SH3GL3: variants seen among roughly 807,000 people sequenced by gnomAD.
SH3GL3 encodes SH3 domain containing GRB2 like 3, endophilin A3, also known as endophilin-A3.
Under a neutral mutation model 47.7 loss-of-function variants are expected in SH3GL3, and 33 were observed. That is an observed-to-expected ratio of 0.69 (90% CI 0.52 to 0.92). SH3GL3 has a LOEUF of 0.92. SH3GL3 is among the 40% of genes least tolerant of loss of function. SH3GL3 has a pLI of 0.00. For missense variants in SH3GL3, 363 were observed against 417.8 expected, an observed-to-expected ratio of 0.87 and a Z score of 1.14; for synonymous variants, 155 against 148.8, an observed-to-expected ratio of 1.04 and a Z score of -0.30.
chr15:83,510,013 A>G (rs1016791730), intron 1 of SH3GL3, among the ~76,000 whole-genome samples: 7 of 152,126 alleles, frequency 4.6e-5, no homozygotes, highest in Non-Finnish European at 7.4e-5. Flanking sequence ...AAGCGAATAT[A>G]TTAATGTATG....
intron 1 of SH3GL3, among the ~76,000 whole-genome samples, chr15:83,555,025 C>T (rs1187548771): frequency 6.6e-6 from 1 of 151,980 alleles, no homozygotes; most frequent in Non-Finnish European, 1.5e-5. Flanking sequence ...TCTCACTTAT[C>T]CTTCATATCT....
chr15:83,534,189 T>C (rs1448066937), intron 1 of SH3GL3, among the ~76,000 whole-genome samples: 1 of 152,242 alleles, frequency 6.6e-6, no homozygotes, highest in Non-Finnish European at 1.5e-5. Flanking sequence ...ATGTGCTCCC[T>C]CCTCCCTTCT....
chr15:83,618,580 T>C lies in SH3GL3; in HGVS notation c.*293T>C, dbSNP rs535271953. 5.6e-6 allele frequency: 2 copies of C among 356,006 alleles called. No individual in the cohort carries two copies. Among genetic ancestry groups the C allele is most frequent in the East Asian group, 1.1e-4 (2 of 18,690 alleles). 22.1% of individuals were successfully genotyped at this position (356,006 alleles called of 1,614,324 possible). A position where few individuals can be genotyped will look rare whatever the true frequency, so the allele number is the denominator to read the frequency against. ...CACCCATTGCAGTTATGTCAACGAA[T>C]GGCCTATATTCCTCAGCTGCAATGA... On this transcript the variant is annotated 3_prime_UTR_variant, in exon 9 of 9. Transcript: ENST00000427482.
chr15:83,576,879 C>CTAATACTAA (rs961436829), intron 6 of SH3GL3, 138 bp downstream of exon 6: 4 of 379,348 alleles, frequency 1.1e-5, no homozygotes, highest in Non-Finnish European at 1.9e-5. Flanking sequence ...ATAAAATACA[C>CTAATACTAA]TAATACTAAT....
chr15:83,484,633 C>T (rs2041512634), intron 1 of SH3GL3, among the ~76,000 whole-genome samples: 2 of 151,968 alleles, frequency 1.3e-5, no homozygotes, highest in Admixed American at 1.3e-4. Flanking sequence ...AGACATTTGG[C>T]AATCTAATCT....
intron 1 of SH3GL3, among the ~76,000 whole-genome samples, chr15:83,456,678 G>A (rs2039994759): frequency 7.0e-6 from 1 of 143,698 alleles, no homozygotes; most frequent in Non-Finnish European, 1.5e-5. Flanking sequence ...CGCGCACGGT[G>A]CGCACACACA....
At chr15:83,608,406 A>C (rs1382183850) in intron 8 of SH3GL3, among the ~76,000 whole-genome samples, 1 of 152,222 alleles carries the variant, frequency 6.6e-6, no homozygotes, top group African/African-American at 2.4e-5. Flanking sequence ...CCCATGGACA[A>C]AAACAATATG....
intron 1 of SH3GL3, among the ~76,000 whole-genome samples, chr15:83,494,421 C>G (rs987088681): frequency 6.6e-6 from 1 of 152,236 alleles, no homozygotes; most frequent in Non-Finnish European, 1.5e-5. Flanking sequence ...CTGCTTTCCA[C>G]TGTGCTGAAG....
At chr15:83,551,571 C>G (rs940698003) in intron 1 of SH3GL3, among the ~76,000 whole-genome samples, 2 of 152,220 alleles carry the variant, frequency 1.3e-5, no homozygotes, top group Non-Finnish European at 2.9e-5. Flanking sequence ...TGGTTCCTCT[C>G]CAGTCCATTA....
chr15:83,618,030 G>T, intron 8 of SH3GL3, 52 bp from the exon 9 acceptor site: 1 of 1,218,000 alleles, frequency 8.2e-7, no homozygotes, highest in South Asian at 1.2e-5. Flanking sequence ...AATTTCCCAT[G>T]GATAATCCAT....
chr15:83,629,075 A>G, the SH3GL3 span, among the ~76,000 whole-genome samples: 11 of 152,232 alleles, frequency 7.2e-5, no homozygotes, highest in South Asian at 2.1e-4. Context: ...ACTGAAAACT[A>G]CAAAACATTG....
At chr15:83,578,943 G>A (rs779405117) in intron 6 of SH3GL3, among the ~76,000 whole-genome samples, 19 of 152,108 alleles carry the variant, frequency 1.2e-4, no homozygotes, top group Admixed American at 2.6e-4. Context: ...CAGATGCGCC[G>A]TCTGACCCAT....
At chr15:83,489,961 T>C (rs2041805451) in intron 1 of SH3GL3, among the ~76,000 whole-genome samples, 1 of 152,178 alleles carries the variant, frequency 6.6e-6, no homozygotes, top group Non-Finnish European at 1.5e-5. Context: ...AGATTATAAA[T>C]TGATGTTTGA....
chr15:83,487,468 A>T (rs575234212), intron 1 of SH3GL3, among the ~76,000 whole-genome samples: 1 of 151,736 alleles, frequency 6.6e-6, no homozygotes, highest in South Asian at 2.1e-4. Flanking sequence ...ATTTTGGGGG[A>T]ATGTGCCCTT....
intron 1 of SH3GL3, among the ~76,000 whole-genome samples, chr15:83,489,998 C>T (rs968620338): frequency 6.6e-6 from 1 of 152,092 alleles, no homozygotes; most frequent in Non-Finnish European, 1.5e-5. Flanking sequence ...TAAAAGGGAA[C>T]CAAATACTGT....
chr15:83,625,814 TTTGTTG>T, the SH3GL3 span, among the ~76,000 whole-genome samples: 1 of 152,090 alleles, frequency 6.6e-6, no homozygotes, highest in Non-Finnish European at 1.5e-5. Context: ...GGAATTAATT[TTTGTTG>T]TTGTTGTTGT....
At chr15:83,564,601 T>C (rs1305742017) in intron 2 of SH3GL3, among the ~76,000 whole-genome samples, 2 of 152,216 alleles carry the variant, frequency 1.3e-5, no homozygotes. Flanking sequence ...CAGGGAACGT[T>C]TGGGGAAAAC....
At chr15:83,487,844 C>T (rs1446854911) in intron 1 of SH3GL3, among the ~76,000 whole-genome samples, 4 of 150,550 alleles carry the variant, frequency 2.7e-5, no homozygotes, top group African/African-American at 7.3e-5. Context: ...ATTTTTTTTT[C>T]TTTCTTTTTT....
At chr15:83,618,927 A>G (rs1251173008), downstream of SH3GL3, among the ~76,000 whole-genome samples, 1 of 152,176 alleles carries the variant, frequency 6.6e-6, no homozygotes, top group Non-Finnish European at 1.5e-5. Flanking sequence ...TGGGGGATGG[A>G]AAGCCCTTCT....
Sources: gnomAD v4.1 joint callset for allele counts (sites outside exome capture counted in the v4.1 genomes callset) on GRCh38, gnomAD v4.1.1 for gene constraint, MANE v1.5 for transcripts, NCBI Gene and HGNC (gene_info 2026-07-23, HGNC 2026-07-21) for gene names.